DOHH: variants seen among roughly 807,000 people sequenced by gnomAD.
DOHH encodes the protein HEAT-like (PBS lyase) repeat containing 1.
In DOHH, 16 loss-of-function variants were observed where a neutral mutation model predicts 19.9. That is an observed-to-expected ratio of 0.80 (90% CI 0.54 to 1.22). DOHH has a LOEUF of 1.22. DOHH is among the 50% of genes most tolerant of loss of function. DOHH has a pLI of 0.00. For synonymous variants in DOHH, 233 were observed against 217.0 expected, an observed-to-expected ratio of 1.07 and a Z score of -0.65; for missense variants, 460 against 460.6, an observed-to-expected ratio of 1.00 and a Z score of 0.01.
intron 1 of DOHH, among the ~76,000 whole-genome samples, chr19:3,497,941 T>C (rs2082922357): frequency 6.6e-6 from 1 of 152,140 alleles, no homozygotes; most frequent in Admixed American, 6.6e-5. Context: ...ATTATGGGGA[T>C]TTTTGTTACA....
Position 3,496,667 on chromosome 19 carries a change from C to A in DOHH, c.148G>T (p.Asp50Tyr). 1.2e-6 allele frequency: 2 copies of A among 1,613,966 alleles called. No individual in the cohort carries two copies. Among genetic ancestry groups the A allele is most frequent in the Non-Finnish European group, 1.7e-6 (2 of 1,179,998 alleles). ...AGCTCGTGCTTGAGCAGGGCGGAAT[C>A]GTCATCGAAGGCCTGGCTGATCCAT... ...IAWISQAFDD[D>Y]SALLKHELAY... The change falls in exon 2 of 5, where the codon GAT becomes TAT. Residue 50 changes from aspartate to tyrosine, a missense_variant. Physicochemically the swap from Asp to Tyr is radical, Grantham distance 160. Transcript: ENST00000427575. This position sits in a 1 kb window ranked among gnomAD's most constrained non-coding sequence, Gnocchi z 4.8.
chr19:3,493,885 T>G (rs1421635814), intron 3 of DOHH, 143 bp downstream of exon 3: 1 of 701,696 alleles, frequency 1.4e-6, no homozygotes, highest in East Asian at 2.9e-5. Flanking sequence ...TCCTCATCCC[T>G]GGGGCATCCT....
rs1241402481 is a variant in DOHH at position 3,492,403 on chromosome 19, C to T, written c.448G>A (p.Ala150Thr). The T allele has an allele frequency of 6.5e-7, 1 of 1,527,724 alleles. No individual in the cohort carries two copies. The highest frequency in any genetic ancestry group is 8.7e-7 in the Non-Finnish European group (1 of 1,144,128). The allele number at this position is 1,527,724 out of a possible 1,614,324, so 94.6% of individuals were successfully genotyped here. A position where few individuals can be genotyped will look rare whatever the true frequency, so the allele number is the denominator to read the frequency against. The change falls in exon 4 of 5, where the codon GCC becomes ACC. Residue 150 changes from alanine (A) to threonine (T), a missense_variant. Transcript: ENST00000427575. ...AAGPYLSVDPAPPAEERDVGR... is the reference protein window; with the variant it reads ...AAGPYLSVDPTPPAEERDVGR... ...ACGTCACGCTCCTCAGCCGGCGGGG[C>T]AGGGTCCACGGAGAGGTAGGGTCCC...
At position 3,494,050 on chromosome 19, in the gene DOHH, T is replaced by C; in HGVS notation, c.329A>G (p.Tyr110Cys). 6.2e-7 allele frequency: 1 copy of C among 1,613,702 alleles called. No individual in the cohort carries two copies. Residue 110 changes from tyrosine to cysteine, a missense_variant, in exon 3 of 5, where the codon TAT becomes TGT. Transcript: ENST00000427575. ...DPEVLEILKQ[Y>C]SSDPVIEVAE... ...TACCTCGATGACGGGGTCCGAGGAATACTGCTTCAGGATCTCCAGAACTTC... is the reference window on the plus strand; with the variant it reads ...TACCTCGATGACGGGGTCCGAGGAACACTGCTTCAGGATCTCCAGAACTTC...
Position 3,491,816 on chromosome 19 carries a change from AG to A in DOHH, c.590-6del. 2 of 1,458,132 alleles carry A rather than the reference AG, an allele frequency of 1.4e-6. No individual in the cohort carries two copies. Among genetic ancestry groups the A allele is most frequent in the Non-Finnish European group, 1.8e-6 (2 of 1,108,046 alleles). The allele number at this position is 1,458,132 out of a possible 1,614,324, so 90.3% of individuals were successfully genotyped here. On this transcript the variant is annotated splice_region_variant and splice_polypyrimidine_tract_variant and intron_variant, in intron 4 of 4. Coordinates refer to ENST00000427575, the MANE Select transcript of DOHH (RefSeq NM_001145165.2). The surrounding 1 kb of genome is among the most constrained non-coding windows in gnomAD (Gnocchi z 5.6). ...GGGCGCTCCCACAGTGCAGACCTGC[AG>A]GGGAGAGGGACACTCGCTGGGGCCA...
chr19:3,491,906 A>C lies in DOHH; in HGVS notation c.590-95T>G. The C allele has an allele frequency of 7.9e-7, 1 of 1,262,642 alleles. No individual in the cohort carries two copies. The highest frequency in any genetic ancestry group is 1.0e-6 in the Non-Finnish European group (1 of 961,144). 78.2% of individuals were successfully genotyped at this position (1,262,642 alleles called of 1,614,324 possible). A position where few individuals can be genotyped will look rare whatever the true frequency, so the allele number is the denominator to read the frequency against. ...TGGGGTCTTGCTATCTTGCCCAGGCAGGTCACAAAGTCCTGGCGATCTTCC... is the reference window on the plus strand; with the variant it reads ...TGGGGTCTTGCTATCTTGCCCAGGCCGGTCACAAAGTCCTGGCGATCTTCC... On this transcript the variant is annotated intron_variant, in intron 4 of 4. Coordinates refer to ENST00000427575, the MANE Select transcript of DOHH (RefSeq NM_001145165.2). This position sits in a 1 kb window ranked among gnomAD's most constrained non-coding sequence, Gnocchi z 5.6.
chr19:3,493,620 AAAG>A (rs1211762585), intron 3 of DOHH, among the ~76,000 whole-genome samples: 1 of 152,080 alleles, frequency 6.6e-6, no homozygotes, highest in Non-Finnish European at 1.5e-5. Context: ...CAAAAAAAAA[AAAG>A]AAGAAATGTT....
In DOHH at chr19:3,492,317, G is replaced by T. The variant is rs1163189214; in HGVS notation, c.534C>A (p.Ala178=). The change falls in exon 4 of 5, where the codon GCC becomes GCA. Residue 178 remains alanine, a synonymous_variant. Coordinates refer to ENST00000427575, the MANE Select transcript of DOHH (RefSeq NM_001145165.2). The stretch of plus-strand genomic sequence containing the variant: ...CTCCCGCGTTGCGCAGGGCGAACAT[G>T]GCGCGGTATCGCTCGAAGAGCGGCC... ...ESRPLFERYR[A]MFALRNAGGE... is the part of the protein sequence containing the mutation. The T allele has an allele frequency of 2.3e-5, 35 of 1,541,040 alleles. No homozygotes were observed. The highest frequency in any genetic ancestry group is 3.0e-5 in the Non-Finnish European group (35 of 1,152,192).
chr19:3,491,587 T>C lies in DOHH; in HGVS notation c.814A>G (p.Ser272Gly). ...TACATGTCCAGAGCCACCTCGCAGCTCTCACGCACCACGCGCTCTGGGTCG... is the reference window on the plus strand; with the variant it reads ...TACATGTCCAGAGCCACCTCGCAGCCCTCACGCACCACGCGCTCTGGGTCG... ...ADDPERVVRE[S>G]CEVALDMYEH... Residue 272 changes from serine to glycine, a missense_variant, in exon 5 of 5, where the codon AGC (serine) becomes GGC (glycine). Ser to Gly is a moderately conservative substitution (Grantham distance 56). Coordinates refer to ENST00000427575, the MANE Select transcript of DOHH (RefSeq NM_001145165.2). This position sits in a 1 kb window ranked among gnomAD's most constrained non-coding sequence, Gnocchi z 5.6. 6.5e-7 allele frequency: 1 copy of C among 1,535,850 alleles called. No individual in the cohort carries two copies. The highest frequency in any genetic ancestry group is 8.7e-7 in the Non-Finnish European group (1 of 1,146,640).
In DOHH at chr19:3,492,426, C is replaced by T. The variant is rs1357170592; in HGVS notation, c.425G>A (p.Gly142Glu). Residue 142 changes from glycine (G) to glutamate (E), a missense_variant, in exon 4 of 5, where the codon GGA (glycine) becomes GAA (glutamate). Coordinates refer to ENST00000427575, the MANE Select transcript of DOHH (RefSeq NM_001145165.2). ...GGCAGGGTCCACGGAGAGGTAGGGTCCCGCCGCCGGCTCCCCGCCGTGCTG... is the reference window on the plus strand; with the variant it reads ...GGCAGGGTCCACGGAGAGGTAGGGTTCCGCCGCCGGCTCCCCGCCGTGCTG... ...LQQHGGEPAA[G>E]PYLSVDPAPP... is the part of the protein sequence containing the mutation. 6.7e-7 allele frequency: 1 copy of T among 1,498,534 alleles called. No individual in the cohort carries two copies. The highest frequency in any genetic ancestry group is 8.8e-7 in the Non-Finnish European group (1 of 1,130,246). The allele number at this position is 1,498,534 out of a possible 1,614,324, so 92.8% of individuals were successfully genotyped here.
chr19:3,497,494 C>A (rs908599244), intron 1 of DOHH, among the ~76,000 whole-genome samples: 2 of 152,352 alleles, frequency 1.3e-5, no homozygotes, highest in East Asian at 1.9e-4. Flanking sequence ...CCAAGCGAAC[C>A]TTCAGATGAT....
At position 3,491,793 on chromosome 19, in the gene DOHH, G is replaced by T; in HGVS notation, c.608C>A (p.Ala203Asp). The T allele has an allele frequency of 6.7e-7, 1 of 1,500,642 alleles. No homozygotes were observed. Among genetic ancestry groups the T allele is most frequent in the Non-Finnish European group, 8.9e-7 (1 of 1,128,084 alleles). The allele number at this position is 1,500,642 out of a possible 1,614,324, so 93.0% of individuals were successfully genotyped here. ...GTAGCCGACCTCGTGGCGGAAGAGG[G>T]CGCTCCCACAGTGCAGACCTGCAGG... Reference protein sequence around the residue: ...ALAEGLHCGSALFRHEVGYVL... With the variant: ...ALAEGLHCGSDLFRHEVGYVL... The change falls in exon 5 of 5, where the codon GCC becomes GAC. Residue 203 changes from alanine (A) to aspartate (D), a missense_variant. Ala to Asp is a moderately radical substitution (Grantham distance 126, BLOSUM62 -2). Transcript: ENST00000427575. The surrounding 1 kb of genome is among the most constrained non-coding windows in gnomAD (Gnocchi z 5.6).
chr19:3,492,120 T>G, intron 4 of DOHH, 142 bp downstream of exon 4: 1 of 826,690 alleles, frequency 1.2e-6, no homozygotes, highest in Non-Finnish European at 1.7e-6. Context: ...CACGGGTTCT[T>G]AAGAGGCCCC....
rs1599761050 is a variant in DOHH at position 3,496,539 on chromosome 19, A to C, written c.274+2T>G. ...GTGCCCGGGACACAGACAGGTGCTC[A>C]CCTGCCTCATGGCGCACCATGGGCT... On this transcript the variant is annotated splice_donor_variant, in intron 2 of 4. Coordinates refer to ENST00000427575, the MANE Select transcript of DOHH (RefSeq NM_001145165.2). LOFTEE classifies it high-confidence loss of function. The surrounding 1 kb of genome is among the most constrained non-coding windows in gnomAD (Gnocchi z 4.8). The C allele has an allele frequency of 6.2e-7, 1 of 1,608,784 alleles. No homozygotes were observed. Among genetic ancestry groups the C allele is most frequent in the Non-Finnish European group, 8.5e-7 (1 of 1,177,272 alleles).
chr19:3,495,257 G>A (rs985125873), intron 2 of DOHH, among the ~76,000 whole-genome samples: 5 of 152,156 alleles, frequency 3.3e-5, no homozygotes, highest in African/African-American at 1.2e-4. Flanking sequence ...GATTACAGGC[G>A]TGAGCCAATG....
chr19:3,493,610 CA>C (rs577983387), intron 3 of DOHH, among the ~76,000 whole-genome samples: 77 of 139,378 alleles, frequency 5.5e-4, no homozygotes, highest in Admixed American at 5.0e-4. Flanking sequence ...GACACCGTCT[CA>C]AAAAAAAAAA....
intron 1 of DOHH, among the ~76,000 whole-genome samples, chr19:3,499,744 A>C (rs898172876): frequency 6.6e-6 from 1 of 152,204 alleles, no homozygotes. Context: ...TGCATTCCAG[A>C]CTGAGCTACA....
chr19:3,500,241 G>A (rs1218690860), intron 1 of DOHH, among the ~76,000 whole-genome samples: 1 of 152,166 alleles, frequency 6.6e-6, no homozygotes, highest in Non-Finnish European at 1.5e-5. Flanking sequence ...AGCCACCTAA[G>A]CACAGGTGAC....
Position 3,491,893 on chromosome 19 carries a change from A to G in DOHH, c.590-82T>C, listed in dbSNP as rs1040150633. On this transcript the variant is annotated intron_variant, in intron 4 of 4. Transcript: ENST00000427575. The surrounding 1 kb of genome is among the most constrained non-coding windows in gnomAD (Gnocchi z 5.6). ...CTTTTCGAAGACATGGGGTCTTGCTATCTTGCCCAGGCAGGTCACAAAGTC... is the reference window on the plus strand; with the variant it reads ...CTTTTCGAAGACATGGGGTCTTGCTGTCTTGCCCAGGCAGGTCACAAAGTC... 3.0e-6 allele frequency: 4 copies of G among 1,323,864 alleles called. No homozygotes were observed. The highest frequency in any genetic ancestry group is 5.7e-5 in the East Asian group (2 of 34,786). The allele number at this position is 1,323,864 out of a possible 1,614,324, so 82.0% of individuals were successfully genotyped here.
Sources: allele counts gnomAD v4.1 joint callset (sites outside exome capture counted in the v4.1 genomes callset), GRCh38; gene constraint gnomAD v4.1.1; non-coding constraint Gnocchi (gnomAD v3.1); transcripts MANE v1.5; gene names NCBI Gene and HGNC (gene_info 2026-07-23, HGNC 2026-07-21).